Variants in NELL1 observed in about 807,000 individuals in gnomAD.
NELL1 encodes protein kinase C-binding protein NELL1.
NELL1 carries 76 observed loss-of-function variants against 107.4 expected under a neutral mutation model. That is an observed-to-expected ratio of 0.71 (90% CI 0.59 to 0.86). The LOEUF is 0.86. Among genes scored for constraint, NELL1 ranks in the 40% least tolerant of loss-of-function variants. The probability of loss-of-function intolerance (pLI) is 0.00; values close to 1 mark genes in which losing one functional copy is unlikely to be tolerated. For missense variants in NELL1, 1,024 were observed against 1,005.5 expected, an observed-to-expected ratio of 1.02 and a Z score of -0.25; for synonymous variants, 353 against 341.2, an observed-to-expected ratio of 1.03 and a Z score of -0.38.
At chr11:20,900,325 A>T (rs557029497) in intron 5 of NELL1, among the ~76,000 whole-genome samples, 2 of 152,164 alleles carry the variant, frequency 1.3e-5, no homozygotes, top group Admixed American at 1.3e-4. Context: ...ACTTTGCTTC[A>T]TTATATTGGC....
At chr11:20,836,735 GA>G (rs757699661) in intron 3 of NELL1, among the ~76,000 whole-genome samples, 2 of 151,506 alleles carry the variant, frequency 1.3e-5, no homozygotes, top group Non-Finnish European at 2.9e-5. Flanking sequence ...TGACACTCTG[GA>G]AAAAGCCAAA....
rs1252539016 is a variant in NELL1, at chr11:21,232,152, A to T, written c.1549+2698A>T. 2.5e-3 allele frequency among the ~76,000 whole-genome samples: 153 copies of T among 61,982 alleles called. 1 individual carries two copies. The highest frequency in any genetic ancestry group is 7.8e-3 in the Middle Eastern group (1 of 128). The allele number at this position is 61,982 out of a possible 152,430, so 40.7% of individuals were successfully genotyped here. A position where few individuals can be genotyped will look rare whatever the true frequency, so the allele number is the denominator to read the frequency against. On this transcript the variant is annotated intron_variant, in intron 14 of 19. Coordinates refer to ENST00000357134, the MANE Select transcript of NELL1 (RefSeq NM_006157.5). The stretch of plus-strand genomic sequence containing the variant: ...CCATCTCTACTAAAAAAAAATAAAA[A>T]AAAAAAAATATATATATATATATAT...
intron 13 of NELL1, among the ~76,000 whole-genome samples, chr11:21,200,494 T>C (rs1273532239): frequency 6.6e-6 from 1 of 152,178 alleles, no homozygotes; most frequent in Non-Finnish European, 1.5e-5. Flanking sequence ...TTTTTTTTCT[T>C]GTAAATTTGT....
At chr11:21,181,788 T>G (rs1158443573) in intron 13 of NELL1, among the ~76,000 whole-genome samples, 1 of 151,870 alleles carries the variant, frequency 6.6e-6, no homozygotes, top group Non-Finnish European at 1.5e-5. Context: ...CTTCATTTAA[T>G]TAATAGAAAA....
chr11:21,129,893 G>A (rs189851418), intron 13 of NELL1, among the ~76,000 whole-genome samples: 7 of 152,174 alleles, frequency 4.6e-5, no homozygotes, highest in African/African-American at 1.7e-4. Flanking sequence ...ACTGAAAAAT[G>A]GTTAAGAGAG....
chr11:20,770,413 T>G (rs1420856544), intron 2 of NELL1, among the ~76,000 whole-genome samples: 1 of 152,252 alleles, frequency 6.6e-6, no homozygotes, highest in Non-Finnish European at 1.5e-5. Flanking sequence ...TCTGGACAGA[T>G]GCACACATTT....
In NELL1 at chr11:21,474,410, G is replaced by C. The variant is rs1854267795; in HGVS notation, c.1646-59964G>C. Among the ~76,000 whole-genome samples the C allele has an allele frequency of 1.3e-5, 2 of 152,104 alleles. 1 individual carries two copies. The highest frequency in any genetic ancestry group is 4.2e-4 in the South Asian group (2 of 4,816). On this transcript the variant is annotated intron_variant, in intron 15 of 19. Coordinates refer to ENST00000357134, the MANE Select transcript of NELL1 (RefSeq NM_006157.5). ...TTATAAGATAAAAATCAAGAGAACA[G>C]GGACTTTTATCTTGCTTGCTGCTGA...
At chr11:21,476,213 G>A (rs1854328714) in intron 15 of NELL1, among the ~76,000 whole-genome samples, 2 of 152,072 alleles carry the variant, frequency 1.3e-5, no homozygotes, top group Non-Finnish European at 2.9e-5. Context: ...ATTAATTTTA[G>A]CTGTGCCTGA....
intron 17 of NELL1, among the ~76,000 whole-genome samples, chr11:21,563,449 G>A (rs972497276): frequency 6.6e-6 from 1 of 152,024 alleles, no homozygotes; most frequent in African/African-American, 2.4e-5. Flanking sequence ...AACACAGAAA[G>A]GGGAAGCATA....
chr11:20,751,024 T>A (rs202114297), intron 2 of NELL1, among the ~76,000 whole-genome samples: 6 of 87,610 alleles, frequency 6.8e-5, no homozygotes, highest in Admixed American at 1.2e-4. Flanking sequence ...TATTTGTCTA[T>A]GTGTGTGTGT....
chr11:20,736,209 A>G (rs142842729), intron 2 of NELL1, among the ~76,000 whole-genome samples: 3 of 152,236 alleles, frequency 2.0e-5, no homozygotes, highest in Admixed American at 6.5e-5. Flanking sequence ...AGGAAAATAA[A>G]TGAGGCCATG....
At chr11:20,837,024 A>T (rs1354694930) in intron 3 of NELL1, among the ~76,000 whole-genome samples, 1 of 152,162 alleles carries the variant, frequency 6.6e-6, no homozygotes, top group Non-Finnish European at 1.5e-5. Flanking sequence ...ATCTAACTGT[A>T]TTATAAATGT....
chr11:21,502,955 TCAC>T (rs1435347110), intron 15 of NELL1, among the ~76,000 whole-genome samples: 12 of 152,208 alleles, frequency 7.9e-5, no homozygotes, highest in Non-Finnish European at 1.5e-5. Context: ...TGATCTAGGC[TCAC>T]CACAACTTCC....
intron 15 of NELL1, among the ~76,000 whole-genome samples, chr11:21,473,642 T>G (rs2133889441): frequency 6.6e-6 from 1 of 152,136 alleles, no homozygotes; most frequent in East Asian, 1.9e-4. Flanking sequence ...ATTCCCTTAG[T>G]GAAATGTTAC....
intron 13 of NELL1, among the ~76,000 whole-genome samples, chr11:21,215,571 G>T (rs1857595412): frequency 6.6e-6 from 1 of 152,182 alleles, no homozygotes; most frequent in Non-Finnish European, 1.5e-5. Flanking sequence ...GAATGACTTT[G>T]ACCAAATGCT....
At chr11:20,727,936 T>C (rs1170471011) in intron 2 of NELL1, among the ~76,000 whole-genome samples, 1 of 152,190 alleles carries the variant, frequency 6.6e-6, no homozygotes, top group African/African-American at 2.4e-5. Flanking sequence ...GTATAAGTGT[T>C]CCATTTTTCT....
chr11:21,336,218 C>A (rs994272015), intron 14 of NELL1, among the ~76,000 whole-genome samples: 1 of 151,996 alleles, frequency 6.6e-6, no homozygotes, highest in South Asian at 2.1e-4. Context: ...AGAACAACAT[C>A]CTGCATCTAT....
At chr11:20,827,259 C>T (rs1456264615) in intron 3 of NELL1, among the ~76,000 whole-genome samples, 2 of 151,196 alleles carry the variant, frequency 1.3e-5, no homozygotes, top group Non-Finnish European at 3.0e-5. Context: ...TGTTTTTATT[C>T]TTGTGCCAAA....
At chr11:21,443,609 T>C (rs1349853555) in intron 15 of NELL1, among the ~76,000 whole-genome samples, 1 of 152,040 alleles carries the variant, frequency 6.6e-6, no homozygotes, top group East Asian at 1.9e-4. Flanking sequence ...TGGAAGTAGG[T>C]TGGCTGTTGG....
Sources: gnomAD v4.1 joint callset for allele counts (sites outside exome capture counted in the v4.1 genomes callset) on GRCh38, gnomAD v4.1.1 for gene constraint, MANE v1.5 for transcripts, NCBI Gene and HGNC (gene_info 2026-07-23, HGNC 2026-07-21) for gene names.